SLC35D2: variants seen among roughly 807,000 people sequenced by gnomAD.
The protein encoded by SLC35D2 is nucleotide sugar transporter SLC35D2.
Under a neutral mutation model 41.8 loss-of-function variants are expected in SLC35D2, and 43 were observed. That is an observed-to-expected ratio of 1.03 (90% confidence interval 0.81 to 1.33). SLC35D2 has a LOEUF of 1.33. Among genes scored for constraint, SLC35D2 ranks in the 40% most tolerant of loss-of-function variants. The pLI, the probability that SLC35D2 is intolerant of heterozygous loss-of-function variation, is 0.00. For missense variants in SLC35D2, 380 were observed against 408.4 expected, an observed-to-expected ratio of 0.93 and a Z score of 0.60; for synonymous variants, 150 against 163.9, an observed-to-expected ratio of 0.92 and a Z score of 0.65.
chr9:96,350,765 A>G (rs1035708979), intron 6 of SLC35D2: 1 of 191,872 alleles, frequency 5.2e-6, no homozygotes, highest in Non-Finnish European at 1.1e-5. Flanking sequence ...TAAGTCTGTT[A>G]TTATTAATCA....
chr9:96,368,232 A>C, intron 2 of SLC35D2, 40 bp downstream of exon 2: 1 of 1,514,478 alleles, frequency 6.6e-7, no homozygotes, highest in South Asian at 1.2e-5. Context: ...ATGAATACTG[A>C]TAACAAAATA....
chr9:96,330,448 C>T (rs944372193), intron 9 of SLC35D2, among the ~76,000 whole-genome samples: 1 of 152,182 alleles, frequency 6.6e-6, no homozygotes, highest in Non-Finnish European at 1.5e-5. Context: ...TCGCCTTAAA[C>T]CATACTTAAG....
At chr9:96,374,086 T>C (rs1452220429) in intron 1 of SLC35D2, 9 of 152,184 alleles carry the variant, frequency 5.9e-5, no homozygotes, top group African/African-American at 2.2e-4. Flanking sequence ...CTTGAAACTT[T>C]TCAAAATAAA....
chr9:96,378,343 G>A (rs1831043824), intron 1 of SLC35D2, among the ~76,000 whole-genome samples: 1 of 152,060 alleles, frequency 6.6e-6, no homozygotes, highest in South Asian at 2.1e-4. Context: ...TGACTTTGGA[G>A]GATTGTCTGA....
chr9:96,340,095 T>A (rs1829245645), intron 8 of SLC35D2, among the ~76,000 whole-genome samples: 1 of 152,108 alleles, frequency 6.6e-6, no homozygotes, highest in East Asian at 1.9e-4. Flanking sequence ...ACCTAATTCA[T>A]TTCTTTCTCC....
intron 6 of SLC35D2, among the ~76,000 whole-genome samples, chr9:96,347,477 G>A (rs951435167): frequency 4.6e-5 from 7 of 152,192 alleles, no homozygotes; most frequent in African/African-American, 1.4e-4. Context: ...TTGTTCAAGC[G>A]ATCCTCCCAT....
At chr9:96,350,898 T>G (rs1829783611) in intron 6 of SLC35D2, 1 of 489,606 alleles carries the variant, frequency 2.0e-6, no homozygotes, top group Non-Finnish European at 3.7e-6. Context: ...GCTCTCTTCA[T>G]ATATTCTCAG....
chr9:96,357,937 A>C lies in SLC35D2; in HGVS notation c.347+2217T>G, dbSNP rs553057571. ...ACCTGTAGCCCCAGCTATTCAGGAG[A>C]CCGAGACAGGAGAATCGCTTGAGCC... On this transcript the variant is annotated intron_variant, in intron 4 of 11. Transcript: ENST00000253270. Among the ~76,000 whole-genome samples, 8 of 151,790 alleles carry C rather than the reference A, an allele frequency of 5.3e-5. No homozygotes were observed. In the South Asian group the frequency reaches 1.0e-3, roughly 20 times the overall value.
intron 6 of SLC35D2, among the ~76,000 whole-genome samples, chr9:96,347,214 G>A (rs10117827): frequency 3.9e-5 from 6 of 152,046 alleles, no homozygotes; most frequent in African/African-American, 9.7e-5. Flanking sequence ...AGAGTCTGCC[G>A]CCCCCTGAGA....
At chr9:96,332,405 G>A (rs1587841535) in intron 9 of SLC35D2, among the ~76,000 whole-genome samples, 2 of 152,260 alleles carry the variant, frequency 1.3e-5, no homozygotes, top group East Asian at 3.9e-4. Context: ...CAAGAAAGCA[G>A]TATTCTGAAA....
chr9:96,370,953 C>G (rs1830648828), intron 1 of SLC35D2, among the ~76,000 whole-genome samples: 1 of 152,124 alleles, frequency 6.6e-6, no homozygotes, highest in Non-Finnish European at 1.5e-5. Context: ...TAGAAACACC[C>G]AGGAGCTACA....
rs1158455476 is a variant in SLC35D2, at chr9:96,345,290, G to A, written c.591+9C>T. 1 of 1,528,332 alleles carries A rather than the reference G, an allele frequency of 6.5e-7. No individual in the cohort carries two copies. The highest frequency in any genetic ancestry group is 2.3e-5 in the East Asian group (1 of 44,314). 94.7% of individuals were successfully genotyped at this position (1,528,332 alleles called of 1,614,324 possible). ...ACAGAGCCAAAAAGCCATAGGCAAG[G>A]TCTGGTACCTTTGGGTCCATTTTCT... On this transcript the variant is annotated intron_variant, in intron 7 of 11. Coordinates refer to ENST00000253270, the MANE Select transcript of SLC35D2 (RefSeq NM_007001.3).
intron 4 of SLC35D2, among the ~76,000 whole-genome samples, chr9:96,355,372 C>T (rs1179288882): frequency 6.6e-6 from 1 of 151,506 alleles, no homozygotes; most frequent in Non-Finnish European, 1.5e-5. Context: ...TAGTCTCAGC[C>T]ACTTGGGAGG....
intron 8 of SLC35D2, among the ~76,000 whole-genome samples, chr9:96,342,453 G>A (rs1043272518): frequency 4.6e-5 from 7 of 152,088 alleles, no homozygotes; most frequent in Admixed American, 1.3e-4. Context: ...TTTGTTTTGT[G>A]TAATGTTGGA....
At chr9:96,367,577 G>C (rs1830524123) in intron 2 of SLC35D2, among the ~76,000 whole-genome samples, 1 of 152,156 alleles carries the variant, frequency 6.6e-6, no homozygotes, top group South Asian at 2.1e-4. Context: ...GAGGTCAGGA[G>C]TTCGAGACCA....
At chr9:96,329,874 A>G (rs1174131052) in intron 9 of SLC35D2, among the ~76,000 whole-genome samples, 1 of 152,232 alleles carries the variant, frequency 6.6e-6, no homozygotes, top group Non-Finnish European at 1.5e-5. Context: ...GAACCAATAG[A>G]ACACACAAGT....
intron 8 of SLC35D2, among the ~76,000 whole-genome samples, chr9:96,340,727 ATACTC>A (rs929395070): frequency 1.4e-4 from 21 of 151,038 alleles, no homozygotes; most frequent in South Asian, 8.4e-4. Flanking sequence ...GGTTATAACT[ATACTC>A]TATATCTTCT....
intron 6 of SLC35D2, among the ~76,000 whole-genome samples, chr9:96,346,797 A>C (rs1829594648): frequency 6.6e-6 from 1 of 151,946 alleles, no homozygotes; most frequent in African/African-American, 2.4e-5. Context: ...AATTTTAGTC[A>C]TCATAAGTCA....
At chr9:96,372,688 G>A (rs373135319) in intron 1 of SLC35D2, among the ~76,000 whole-genome samples, 2 of 139,878 alleles carry the variant, frequency 1.4e-5, no homozygotes, top group South Asian at 2.3e-4. Context: ...AGGGTCAAGC[G>A]ATTCTCCTGC....
Sources: allele counts gnomAD v4.1 joint callset (sites outside exome capture counted in the v4.1 genomes callset), GRCh38; gene constraint gnomAD v4.1.1; transcripts MANE v1.5; gene names NCBI Gene and HGNC (gene_info 2026-07-23, HGNC 2026-07-21).